KCNMA1: variants seen among roughly 807,000 people sequenced by gnomAD.
The protein encoded by KCNMA1 is Calcium-activated potassium channel subunit alpha-1.
A neutral mutation model predicts 140.0 loss-of-function variants in KCNMA1; 29 were observed. That is an observed-to-expected ratio of 0.21 (90% confidence interval 0.15 to 0.28). The LOEUF (loss-of-function observed/expected upper bound fraction) is 0.28. Among genes scored for constraint, KCNMA1 ranks in the 10% least tolerant of loss-of-function variants. KCNMA1 has a pLI of 1.00. For missense variants in KCNMA1, 880 were observed against 1,602.2 expected (o/e 0.55, Z 7.70); for synonymous variants, 612 against 611.9 (o/e 1.00, Z 0.00).
intron 1 of KCNMA1, among the ~76,000 whole-genome samples, chr10:77,483,555 C>G (rs1460549258): frequency 2.0e-5 from 3 of 152,194 alleles, no homozygotes; most frequent in Admixed American, 6.5e-5. Flanking sequence ...CTATCTTGCT[C>G]TACAGACACC....
At chr10:77,574,122 C>T (rs1369345158) in intron 1 of KCNMA1, among the ~76,000 whole-genome samples, 1 of 152,068 alleles carries the variant, frequency 6.6e-6, no homozygotes, top group Non-Finnish European at 1.5e-5. Context: ...AGGCATGAGC[C>T]ACTGTACCCA....
intron 12 of KCNMA1, 47 bp from the exon 13 acceptor site, chr10:77,079,597 G>A: frequency 7.7e-7 from 1 of 1,295,416 alleles, no homozygotes; most frequent in Non-Finnish European, 1.1e-6. Context: ...CTTATGCATG[G>A]TGTCTGACAA....
chr10:77,306,071 C>G (rs972417883), intron 2 of KCNMA1, among the ~76,000 whole-genome samples: 2 of 152,186 alleles, frequency 1.3e-5, no homozygotes, highest in Non-Finnish European at 2.9e-5. Flanking sequence ...ATGGGACACA[C>G]AGAAGAAACC....
intron 3 of KCNMA1, among the ~76,000 whole-genome samples, chr10:77,229,881 G>T (rs2052992068): frequency 6.6e-6 from 1 of 152,154 alleles, no homozygotes; most frequent in African/African-American, 2.4e-5. Flanking sequence ...GTGGAAAATA[G>T]TTTAGTGATT....
At chr10:77,491,728 C>T (rs1183283031) in intron 1 of KCNMA1, among the ~76,000 whole-genome samples, 1 of 121,794 alleles carries the variant, frequency 8.2e-6, no homozygotes, top group African/African-American at 3.6e-5. Flanking sequence ...CACACACACA[C>T]ACACACACAC....
At chr10:77,326,600 T>C (rs2154360986) in intron 2 of KCNMA1, among the ~76,000 whole-genome samples, 1 of 152,278 alleles carries the variant, frequency 6.6e-6, no homozygotes, top group South Asian at 2.1e-4. Context: ...TGTCAATTCC[T>C]TCTTTGAGGG....
At chr10:77,621,442 T>A (rs2091335512) in intron 1 of KCNMA1, among the ~76,000 whole-genome samples, 1 of 152,126 alleles carries the variant, frequency 6.6e-6, no homozygotes, top group Non-Finnish European at 1.5e-5. Flanking sequence ...GGTTTAATGA[T>A]GAGACTTCGC....
chr10:77,462,111 C>T (rs2097884208), intron 1 of KCNMA1, among the ~76,000 whole-genome samples: 1 of 151,662 alleles, frequency 6.6e-6, no homozygotes, highest in African/African-American at 2.4e-5. Flanking sequence ...CAGAAACATG[C>T]ACACACTAAC....
chr10:77,110,972 T>C (rs1266144697), intron 7 of KCNMA1, among the ~76,000 whole-genome samples: 2 of 152,308 alleles, frequency 1.3e-5, no homozygotes, highest in East Asian at 3.9e-4. Context: ...AGTGAGCTCA[T>C]GAGAACAGCT....
intron 15 of KCNMA1, among the ~76,000 whole-genome samples, chr10:77,030,890 A>C (rs188626637): frequency 6.6e-6 from 1 of 152,304 alleles, no homozygotes; most frequent in African/African-American, 2.4e-5. Context: ...CCTTTGACCC[A>C]AAACAAGCTG....
At chr10:77,355,615 T>C (rs3740246) in intron 2 of KCNMA1, among the ~76,000 whole-genome samples, 21,335 of 152,220 alleles carry the variant, frequency 0.14, 2,015 homozygotes, top group African/African-American at 0.27. Context: ...ATATGAAAGA[T>C]AGCATAAGAC....
At chr10:77,343,952 C>T (rs1603261381) in intron 2 of KCNMA1, among the ~76,000 whole-genome samples, 1 of 152,230 alleles carries the variant, frequency 6.6e-6, no homozygotes, top group Admixed American at 6.5e-5. Context: ...CTCTGCTCCA[C>T]CTGCCCACTC....
rs144439307 is a variant in KCNMA1, at chr10:77,284,507, GTTA to G, written c.541-33254_541-33252del. Among the ~76,000 whole-genome samples, 36 of 151,604 alleles carry G rather than the reference GTTA, an allele frequency of 2.4e-4. No individual in the cohort carries two copies. In the East Asian group the frequency reaches 6.2e-3, roughly 26 times the overall value. On this transcript the variant is annotated intron_variant, in intron 2 of 27. Transcript: ENST00000286628. ...CTCTTTCAGGGGAGACTCTGTTGTT[GTTA>G]TTATTATTATTATTATTGCTCAAGA...
chr10:77,239,133 C>T (rs922065150), intron 3 of KCNMA1, among the ~76,000 whole-genome samples: 8 of 152,184 alleles, frequency 5.3e-5, no homozygotes, highest in African/African-American at 1.7e-4. Context: ...ATTATTAATG[C>T]TGTTCTTTAA....
intron 1 of KCNMA1, among the ~76,000 whole-genome samples, chr10:77,436,803 A>T (rs1246096830): frequency 6.6e-6 from 1 of 152,212 alleles, no homozygotes; most frequent in Non-Finnish European, 1.5e-5. Flanking sequence ...ATATACATAA[A>T]TGCTAAGAAT....
intron 19 of KCNMA1, among the ~76,000 whole-genome samples, chr10:76,988,095 A>G (rs530969262): frequency 1.8e-4 from 27 of 152,224 alleles, no homozygotes; most frequent in Non-Finnish European, 3.1e-4. Flanking sequence ...GGACTTGGCC[A>G]TCGGTAGGAG....
At chr10:77,268,839 A>T (rs995165614) in intron 2 of KCNMA1, among the ~76,000 whole-genome samples, 2 of 152,182 alleles carry the variant, frequency 1.3e-5, no homozygotes, top group African/African-American at 4.8e-5. Context: ...GTGTCTCTGC[A>T]CTGCTACCTT....
chr10:76,983,096 G>A (rs1028130919), intron 19 of KCNMA1, among the ~76,000 whole-genome samples: 2 of 152,160 alleles, frequency 1.3e-5, no homozygotes, highest in Non-Finnish European at 2.9e-5. Context: ...AAGGAAACCC[G>A]TCAGGGTTTG....
At chr10:77,178,425 G>C (rs2098772578) in intron 5 of KCNMA1, among the ~76,000 whole-genome samples, 1 of 152,154 alleles carries the variant, frequency 6.6e-6, no homozygotes, top group Non-Finnish European at 1.5e-5. Context: ...CATACACACA[G>C]GCAAGGTGCA....
Sources: gnomAD v4.1 joint callset for allele counts (sites outside exome capture counted in the v4.1 genomes callset) on GRCh38, gnomAD v4.1.1 for gene constraint, MANE v1.5 for transcripts, NCBI Gene and HGNC (gene_info 2026-07-23, HGNC 2026-07-21) for gene names.